TSC22D1: variants seen among roughly 807,000 people sequenced by gnomAD.
The protein encoded by TSC22D1 is TSC22 domain family member 1.
Under a neutral mutation model 74.2 loss-of-function variants are expected in TSC22D1, and 9 were observed. That is an observed-to-expected ratio of 0.12 (90% CI 0.07 to 0.21). The LOEUF (loss-of-function observed/expected upper bound fraction) is 0.21. TSC22D1 is among the 10% of genes least tolerant of loss of function. TSC22D1 has a pLI of 1.00. For synonymous variants in TSC22D1, 586 were observed against 492.5 expected (o/e 1.19, Z -2.51); for missense variants, 1,427 against 1,304.7 (o/e 1.09, Z -1.44).
chr13:44,499,871 G>C (rs924432529), intron 1 of TSC22D1, among the ~76,000 whole-genome samples: 7 of 152,090 alleles, frequency 4.6e-5, no homozygotes, highest in Admixed American at 2.0e-4. Flanking sequence ...CGGGTCACCT[G>C]AAGTCAGGAG....
At chr13:44,567,493 C>T (rs1883454273) in intron 1 of TSC22D1, among the ~76,000 whole-genome samples, 1 of 149,192 alleles carries the variant, frequency 6.7e-6, no homozygotes, top group Non-Finnish European at 1.5e-5. Flanking sequence ...GAGGAAACAC[C>T]ACATAGAAAG....
chr13:44,533,941 T>C (rs771738581), intron 1 of TSC22D1, among the ~76,000 whole-genome samples: 4 of 152,148 alleles, frequency 2.6e-5, no homozygotes, highest in Admixed American at 6.5e-5. Flanking sequence ...GTGGAATAAA[T>C]AGCAAATTAT....
In TSC22D1 at chr13:44,574,610, T is replaced by C; in HGVS notation, c.1465A>G (p.Met489Val). Residue 489 changes from methionine (M) to valine (V), a missense_variant, in exon 1 of 3, where the codon ATG becomes GTG. Around this residue, in one of 3 missense-constraint regions of TSC22D1, gnomAD observed 1,343 missense variants for 1,191.5 expected, o/e 1.13. Transcript: ENST00000458659. ...TGCACCACCACAGTAGGGGCTCCCA[T>C]CTCTCCACTTCCCACACTCTCTGTA... is the stretch of plus-strand genomic sequence containing the variant. ...HYTESVGSGEMGAPTVVVQQQ... is the reference protein window; with the variant it reads ...HYTESVGSGEVGAPTVVVQQQ... The C allele has an allele frequency of 6.2e-7, 1 of 1,614,062 alleles. No individual in the cohort carries two copies.
rs1874169649 is a variant in TSC22D1, at chr13:44,432,912, G to A, written c.*1714C>T. ...GGCCAATCTGCCTCAGGATTCCTTC[G>A]TGGTTTTAATTTTGGCCTGTTTTAT... On this transcript the variant is annotated 3_prime_UTR_variant, in exon 3 of 3. Transcript: ENST00000458659. 1 of 152,196 alleles carries A rather than the reference G, an allele frequency of 6.6e-6. No homozygotes were observed. The highest frequency in any genetic ancestry group is 1.5e-5 in the Non-Finnish European group (1 of 68,058). The allele number at this position is 152,196 out of a possible 1,614,324, so 9.4% of individuals were successfully genotyped here.
intron 1 of TSC22D1, among the ~76,000 whole-genome samples, chr13:44,561,871 G>A (rs1883061082): frequency 6.6e-6 from 1 of 152,124 alleles, no homozygotes; most frequent in African/African-American, 2.4e-5. Context: ...GGAATCTTTT[G>A]TCATTTTTCT....
chr13:44,530,748 G>A (rs901464913), intron 1 of TSC22D1, among the ~76,000 whole-genome samples: 2 of 151,442 alleles, frequency 1.3e-5, no homozygotes, highest in Admixed American at 1.3e-4. Flanking sequence ...TGTATGAGAA[G>A]ATGTTCAACA....
intron 1 of TSC22D1, among the ~76,000 whole-genome samples, chr13:44,558,865 CT>C (rs1882859493): frequency 6.6e-6 from 1 of 152,134 alleles, no homozygotes; most frequent in African/African-American, 2.4e-5. Flanking sequence ...TAGGAAACCG[CT>C]AAGTTATCTA....
chr13:44,462,878 G>A (rs1877073319), intron 1 of TSC22D1, among the ~76,000 whole-genome samples: 1 of 152,052 alleles, frequency 6.6e-6, no homozygotes, highest in African/African-American at 2.4e-5. Flanking sequence ...AATGTGTTTG[G>A]GAATTTTTAA....
At chr13:44,551,928 A>G (rs1209249873) in intron 1 of TSC22D1, among the ~76,000 whole-genome samples, 1 of 152,202 alleles carries the variant, frequency 6.6e-6, no homozygotes, top group East Asian at 1.9e-4. Flanking sequence ...AAAACAAAAA[A>G]AAGACCAACA....
At chr13:44,509,677 TTTATA>T (rs1201649598) in intron 1 of TSC22D1, among the ~76,000 whole-genome samples, 1 of 152,004 alleles carries the variant, frequency 6.6e-6, no homozygotes, top group Non-Finnish European at 1.5e-5. Flanking sequence ...GATGGTGAAT[TTTATA>T]TTATGTGTAT....
chr13:44,455,682 G>A (rs1329657534), intron 1 of TSC22D1, among the ~76,000 whole-genome samples: 3 of 152,028 alleles, frequency 2.0e-5, no homozygotes, highest in Non-Finnish European at 4.4e-5. Context: ...TTTGAGTCTT[G>A]CTTTGGATAG....
At chr13:44,482,055 T>C (rs1168148958) in intron 1 of TSC22D1, among the ~76,000 whole-genome samples, 2 of 152,222 alleles carry the variant, frequency 1.3e-5, no homozygotes, top group African/African-American at 2.4e-5. Flanking sequence ...GCTTAATATA[T>C]TTTTATTTTC....
intron 1 of TSC22D1, among the ~76,000 whole-genome samples, chr13:44,463,230 C>T (rs1246714577): frequency 2.0e-5 from 3 of 152,104 alleles, no homozygotes; most frequent in African/African-American, 7.2e-5. Context: ...AATAAATAGA[C>T]ATAAAAGCTA....
chr13:44,520,023 T>C (rs971585256), intron 1 of TSC22D1, among the ~76,000 whole-genome samples: 19 of 152,216 alleles, frequency 1.2e-4, no homozygotes, highest in African/African-American at 4.1e-4. Context: ...CATAAATTCA[T>C]AAAGCATGTT....
At chr13:44,528,990 C>G (rs1315701534) in intron 1 of TSC22D1, among the ~76,000 whole-genome samples, 8 of 151,970 alleles carry the variant, frequency 5.3e-5, no homozygotes, top group Admixed American at 5.2e-4. Flanking sequence ...CATTAATAAC[C>G]TTCCCATGTA....
chr13:44,436,684 G>C, intron 1 of TSC22D1: 1 of 1,555,426 alleles, frequency 6.4e-7, no homozygotes, highest in Non-Finnish European at 8.7e-7. Context: ...CAGCAGCCTT[G>C]TATAAGCTAG....
chr13:44,438,200 C>T, intron 1 of TSC22D1, among the ~76,000 whole-genome samples: 1 of 151,956 alleles, frequency 6.6e-6, no homozygotes, highest in Non-Finnish European at 1.5e-5. Context: ...ATATAAAAAC[C>T]AAAAAATCTA....
intron 1 of TSC22D1, among the ~76,000 whole-genome samples, chr13:44,526,107 C>T (rs1880536032): frequency 6.6e-6 from 1 of 151,804 alleles, no homozygotes; most frequent in Non-Finnish European, 1.5e-5. Flanking sequence ...GTCTCAAAAA[C>T]AAACAAACAA....
In TSC22D1 at chr13:44,466,617, A is replaced by G. The variant is rs114448820; in HGVS notation, c.2913-30522T>C. ...AATCTTGTCTCTACTAAAAATACAA[A>G]AAATCAACCTGGTGTTGTGATGCAT... On this transcript the variant is annotated intron_variant, in intron 1 of 2. Transcript: ENST00000458659. Among the ~76,000 whole-genome samples the G allele has an allele frequency of 4.6e-3, 694 of 152,040 alleles. 4 individuals are homozygous for G. The highest frequency in any genetic ancestry group is 0.016 in the African/African-American group (659 of 41,456).
Sources: allele counts gnomAD v4.1 joint callset (sites outside exome capture counted in the v4.1 genomes callset), GRCh38; gene constraint gnomAD v4.1.1; regional missense constraint gnomAD v4.1.1; transcripts MANE v1.5; gene names NCBI Gene and HGNC (gene_info 2026-07-23, HGNC 2026-07-21).